Variants in IPP observed in about 807,000 individuals in gnomAD.
IPP encodes the protein intracisternal A particle-promoted polypeptide.
A neutral mutation model predicts 64.1 loss-of-function variants in IPP; 41 were observed. The observed-to-expected ratio is 0.64, with a 90% CI of 0.50 to 0.83. The LOEUF (loss-of-function observed/expected upper bound fraction) is 0.83. Ranked by LOEUF, IPP falls within the 40% of genes least tolerant of loss-of-function variation. The pLI is 0.00. For missense variants in IPP, 649 were observed against 703.0 expected (o/e 0.92, Z 0.87); for synonymous variants, 214 against 235.2 (o/e 0.91, Z 0.83).
At chr1:45,712,639 C>T (rs1315343271) in intron 8 of IPP, among the ~76,000 whole-genome samples, 3 of 151,636 alleles carry the variant, frequency 2.0e-5, no homozygotes, top group East Asian at 3.9e-4. Flanking sequence ...AGGAAGATCA[C>T]GAGGTCAGGA....
intron 7 of IPP, 54 bp downstream of exon 7, chr1:45,716,841 C>T: frequency 6.5e-7 from 1 of 1,528,536 alleles, no homozygotes; most frequent in Non-Finnish European, 8.9e-7. Flanking sequence ...GCCTCAAACT[C>T]AAACAGTTTT....
intron 8 of IPP, among the ~76,000 whole-genome samples, chr1:45,708,375 A>G (rs1645543029): frequency 1.3e-5 from 2 of 150,242 alleles, no homozygotes; most frequent in South Asian, 4.2e-4. Context: ...AGGGTGATTA[A>G]AGATAAAAAA....
At chr1:45,725,205 G>GT (rs1645802168) in intron 5 of IPP, among the ~76,000 whole-genome samples, 1 of 144,098 alleles carries the variant, frequency 6.9e-6, no homozygotes, top group Non-Finnish European at 1.5e-5. Flanking sequence ...CGTCCGGGAG[G>GT]GAGGTGGGGG....
chr1:45,720,145 C>T (rs991339861), intron 5 of IPP, among the ~76,000 whole-genome samples: 2 of 151,934 alleles, frequency 1.3e-5, no homozygotes, highest in African/African-American at 2.4e-5. Flanking sequence ...GCACAATCAT[C>T]GCTCACTGAA....
Position 45,727,629 on chromosome 1 carries a change from A to G in IPP, c.1048+2T>C, listed in dbSNP as rs193278799. 1.3e-6 allele frequency: 2 copies of G among 1,507,784 alleles called. No homozygotes were observed. The highest frequency in any genetic ancestry group is 4.6e-5 in the East Asian group (2 of 43,658). 93.4% of individuals were successfully genotyped at this position (1,507,784 alleles called of 1,614,324 possible). On this transcript the variant is annotated splice_donor_variant, in intron 5 of 8. Transcript: ENST00000396478. LOFTEE classifies it high-confidence loss of function. ...AAGAAAATAAGACATTTTTATTATTACCTCCAATAGCGTAGACCATCCCTC... is the reference window on the plus strand; with the variant it reads ...AAGAAAATAAGACATTTTTATTATTGCCTCCAATAGCGTAGACCATCCCTC...
intron 8 of IPP, among the ~76,000 whole-genome samples, chr1:45,702,171 C>T (rs974623103): frequency 6.6e-6 from 1 of 152,106 alleles, no homozygotes; most frequent in African/African-American, 2.4e-5. Context: ...GACCTTAGGG[C>T]TCATCCTATA....
rs141106080 is a variant in IPP at position 45,748,886 on chromosome 1, C to T, written c.-51+1711G>A. On this transcript the variant is annotated intron_variant, in intron 1 of 8. Transcript: ENST00000396478. ...ACGTGGGCGGCTGAGGCAGGAGAAT[C>T]GCTTGAACCTGGGAGGCAGAGGTTG... Among the ~76,000 whole-genome samples, 446 of 150,480 alleles carry T rather than the reference C, an allele frequency of 3.0e-3. 4 individuals carry two copies. Among genetic ancestry groups the T allele is most frequent in the East Asian group, 0.022 (112 of 5,064 alleles).
chr1:45,740,511 C>G (rs1370200459), intron 3 of IPP, among the ~76,000 whole-genome samples: 2 of 152,120 alleles, frequency 1.3e-5, no homozygotes, highest in Non-Finnish European at 2.9e-5. Flanking sequence ...CTGACCCCCC[C>G]ACCTCCCTCC....
intron 5 of IPP, among the ~76,000 whole-genome samples, chr1:45,723,135 A>T (rs1469591879): frequency 6.6e-6 from 1 of 152,228 alleles, no homozygotes; most frequent in African/African-American, 2.4e-5. Flanking sequence ...ATCTTAATTT[A>T]AAAAACCCAA....
At chr1:45,736,839 A>T (rs1226544003) in intron 3 of IPP, among the ~76,000 whole-genome samples, 2 of 151,880 alleles carry the variant, frequency 1.3e-5, no homozygotes. Context: ...GGAGATCGAG[A>T]CCATCCTGGC....
At chr1:45,713,711 C>T (rs986813843) in intron 8 of IPP, among the ~76,000 whole-genome samples, 9 of 152,130 alleles carry the variant, frequency 5.9e-5, no homozygotes, top group South Asian at 2.1e-4. Context: ...ACCACAGGTG[C>T]ATACCACCAT....
chr1:45,748,912 C>T (rs985836573), intron 1 of IPP, among the ~76,000 whole-genome samples: 2 of 143,256 alleles, frequency 1.4e-5, no homozygotes, highest in African/African-American at 2.6e-5. Context: ...GCAGAGGTTG[C>T]AGTGAGTGGA....
At chr1:45,733,764 G>A (rs138467896) in intron 3 of IPP, among the ~76,000 whole-genome samples, 1,644 of 151,784 alleles carry the variant, frequency 0.011, 8 homozygotes, top group African/African-American at 0.012. Flanking sequence ...CCTGGGAGGC[G>A]GAGGTTGTAG....
In IPP at chr1:45,711,336, G is replaced by A. The variant is rs867233726; in HGVS notation, c.1530+2910C>T. ...AGCCTGGCAACAGAGTGAAAACTCC[G>A]TCTCAAAACAAAAAACAAAAAAAAC... On this transcript the variant is annotated intron_variant, in intron 8 of 8. Coordinates refer to ENST00000396478, the MANE Select transcript of IPP (RefSeq NM_005897.3). 2.4e-4 allele frequency among the ~76,000 whole-genome samples: 37 copies of A among 151,960 alleles called. 1 individual carries two copies. The South Asian group carries it at 2.7e-3, about 11-fold the overall frequency.
At chr1:45,725,379 A>G in intron 5 of IPP, among the ~76,000 whole-genome samples, 1 of 145,806 alleles carries the variant, frequency 6.9e-6, no homozygotes, top group Non-Finnish European at 1.5e-5. Flanking sequence ...CCCATCCGGG[A>G]GGTGAGGGGC....
At chr1:45,717,523 TG>T (rs1478652497) in intron 6 of IPP, among the ~76,000 whole-genome samples, 3 of 148,978 alleles carry the variant, frequency 2.0e-5, no homozygotes, top group South Asian at 4.3e-4. Context: ...TTTTTTTTTT[TG>T]AGATGGAGTC....
intron 1 of IPP, among the ~76,000 whole-genome samples, chr1:45,747,854 A>AC (rs1035068800): frequency 6.7e-6 from 1 of 149,066 alleles, no homozygotes; most frequent in Non-Finnish European, 1.5e-5. Flanking sequence ...AAAAAAAAAA[A>AC]AAAAAAAAAA....
chr1:45,719,925 C>T (rs761056041), intron 5 of IPP, among the ~76,000 whole-genome samples: 6 of 151,914 alleles, frequency 3.9e-5, no homozygotes, highest in Non-Finnish European at 5.9e-5. Flanking sequence ...CGGGGTTTCA[C>T]CTTGTTAGCC....
intron 8 of IPP, among the ~76,000 whole-genome samples, chr1:45,708,465 G>T (rs1238017755): frequency 7.0e-6 from 1 of 142,684 alleles, no homozygotes; most frequent in African/African-American, 2.6e-5. Flanking sequence ...GATTACCTGA[G>T]GCCAGGAGTT....
Sources: gnomAD v4.1 joint callset for allele counts (sites outside exome capture counted in the v4.1 genomes callset) on GRCh38, gnomAD v4.1.1 for gene constraint, MANE v1.5 for transcripts, NCBI Gene and HGNC (gene_info 2026-07-23, HGNC 2026-07-21) for gene names.